The following SMAD1 variants were observed in gnomAD, a reference collection of about 807,000 sequenced individuals.
SMAD1 encodes SMAD family member 1.
A neutral mutation model predicts 41.6 loss-of-function variants in SMAD1; 6 were observed. That is an observed-to-expected ratio of 0.14 (90% CI 0.08 to 0.28). The LOEUF is 0.28. Ranked by LOEUF, SMAD1 falls within the 10% of genes least tolerant of loss-of-function variation. The pLI, the probability that SMAD1 is intolerant of heterozygous loss-of-function variation, is 1.00. For synonymous variants in SMAD1, 206 were observed against 203.2 expected (o/e 1.01, Z -0.12); for missense variants, 379 against 582.6 (o/e 0.65, Z 3.60).
intron 1 of SMAD1, among the ~76,000 whole-genome samples, chr4:145,504,311 T>A (rs1038520780): frequency 2.0e-5 from 3 of 152,214 alleles, no homozygotes; most frequent in African/African-American, 4.8e-5. Context: ...ACATTGCTAC[T>A]TTAGGGTATT....
intron 2 of SMAD1, among the ~76,000 whole-genome samples, chr4:145,532,384 C>T (rs768230041): frequency 6.6e-6 from 1 of 152,118 alleles, no homozygotes; most frequent in Non-Finnish European, 1.5e-5. Context: ...CACAATTAGA[C>T]ATTTTCAAAT....
At chr4:145,526,960 A>G (rs1278755487) in intron 2 of SMAD1, among the ~76,000 whole-genome samples, 1 of 152,146 alleles carries the variant, frequency 6.6e-6, no homozygotes, top group African/African-American at 2.4e-5. Flanking sequence ...GGTTGAGGAT[A>G]AAGTTAATGC....
chr4:145,494,294 G>A (rs1343696700), intron 1 of SMAD1, among the ~76,000 whole-genome samples: 2 of 152,136 alleles, frequency 1.3e-5, no homozygotes, highest in South Asian at 4.2e-4. Context: ...TTGAGTGTCT[G>A]TATTTCTATT....
chr4:145,525,209 G>A (rs879869282), intron 2 of SMAD1, among the ~76,000 whole-genome samples: 16 of 152,218 alleles, frequency 1.1e-4, no homozygotes, highest in Non-Finnish European at 2.1e-4. Flanking sequence ...ACAGACCAGA[G>A]ATTGCTTTCT....
chr4:145,515,252 A>T (rs532567499), intron 2 of SMAD1, among the ~76,000 whole-genome samples: 59 of 151,866 alleles, frequency 3.9e-4, no homozygotes, highest in African/African-American at 1.4e-3. Context: ...AGTTAACATT[A>T]TGTCTTGGGA....
chr4:145,483,559 T>G (rs1039981370), intron 1 of SMAD1, among the ~76,000 whole-genome samples: 12 of 152,256 alleles, frequency 7.9e-5, no homozygotes, highest in Non-Finnish European at 4.4e-5. Flanking sequence ...GCATCAGTGT[T>G]ATTCTGATGT....
At chr4:145,505,063 C>T (rs1355042712) in intron 1 of SMAD1, among the ~76,000 whole-genome samples, 2 of 152,076 alleles carry the variant, frequency 1.3e-5, no homozygotes, top group Non-Finnish European at 2.9e-5. Flanking sequence ...TCTTTATTAT[C>T]CTTTGAAATC....
chr4:145,549,440 A>AATAC (rs1394481795), intron 5 of SMAD1, among the ~76,000 whole-genome samples: 3 of 152,182 alleles, frequency 2.0e-5, no homozygotes, highest in Non-Finnish European at 4.4e-5. Flanking sequence ...CCTGTGTTAC[A>AATAC]ATACATACAT....
At chr4:145,511,197 G>A (rs2126390710) in intron 1 of SMAD1, among the ~76,000 whole-genome samples, 1 of 152,160 alleles carries the variant, frequency 6.6e-6, no homozygotes, top group South Asian at 2.1e-4. Flanking sequence ...CTTATACTTT[G>A]GGATTATATC....
At position 145,525,236 on chromosome 4, in the gene SMAD1, A is replaced by G. The variant is rs141426582; in HGVS notation, c.400+10223A>G. Among the ~76,000 whole-genome samples the G allele has an allele frequency of 2.8e-3, 431 of 152,336 alleles. 1 individual carries two copies. Among genetic ancestry groups the G allele is most frequent in the African/African-American group, 9.9e-3 (410 of 41,562 alleles). ...TTGCTTTCTCTCAAATATATGTTCT[A>G]TCCCCTTGCCATTTTCCCCTTAAAA... On this transcript the variant is annotated intron_variant, in intron 2 of 6. Coordinates refer to ENST00000302085, the MANE Select transcript of SMAD1 (RefSeq NM_005900.3).
Position 145,554,032 on chromosome 4 carries a change from T to C in SMAD1, c.1246T>C (p.Phe416Leu), listed in dbSNP as rs748617717. The change falls in exon 6 of 7, where the codon TTT becomes CTT. Residue 416 changes from phenylalanine to leucine, a missense_variant. Physicochemically the swap from Phe to Leu is conservative, Grantham distance 22. This residue lies in a region of SMAD1 where 107 missense variants were observed against 218.3 expected (regional missense o/e 0.49). Coordinates refer to ENST00000302085, the MANE Select transcript of SMAD1 (RefSeq NM_005900.3). ...AAAAATGTGTACTATACGTATGAGC[T>C]TTGTGAAGGTAAGTGAGCTCCGACT... ...LTKMCTIRMS[F>L]VKGWGAEYHR... The C allele has an allele frequency of 2.5e-6, 4 of 1,612,204 alleles. No individual in the cohort carries two copies. The highest frequency in any genetic ancestry group is 3.4e-6 in the Non-Finnish European group (4 of 1,178,484).
chr4:145,498,381 C>G (rs1165461018), intron 1 of SMAD1, among the ~76,000 whole-genome samples: 2 of 152,188 alleles, frequency 1.3e-5, no homozygotes, highest in African/African-American at 4.8e-5. Context: ...AAATCCTATG[C>G]AGATACACTT....
intron 1 of SMAD1, among the ~76,000 whole-genome samples, chr4:145,507,880 A>G (rs1186844098): frequency 1.3e-5 from 2 of 152,152 alleles, no homozygotes; most frequent in African/African-American, 4.8e-5. Flanking sequence ...TGAGTTCCTT[A>G]TATGAGGTAG....
At chr4:145,553,533 G>A (rs536701344) in intron 5 of SMAD1, among the ~76,000 whole-genome samples, 2 of 152,244 alleles carry the variant, frequency 1.3e-5, no homozygotes, top group South Asian at 4.2e-4. Context: ...CTAACAGGAG[G>A]TGGAGCTCAG....
intron 2 of SMAD1, among the ~76,000 whole-genome samples, chr4:145,527,420 T>G (rs1337377445): frequency 2.6e-5 from 4 of 152,050 alleles, no homozygotes; most frequent in Non-Finnish European, 5.9e-5. Flanking sequence ...AGACGGGGTT[T>G]CACCGTTTTA....
chr4:145,518,863 A>G lies in SMAD1; in HGVS notation c.400+3850A>G, dbSNP rs545279071. 3.2e-5 allele frequency among the ~76,000 whole-genome samples: 4 copies of G among 125,620 alleles called. 1 individual carries two copies. The highest frequency in any genetic ancestry group is 7.6e-5 in the African/African-American group (3 of 39,620). The allele number at this position is 125,620 out of a possible 152,430, so 82.4% of individuals were successfully genotyped here. On this transcript the variant is annotated intron_variant, in intron 2 of 6. Coordinates refer to ENST00000302085, the MANE Select transcript of SMAD1 (RefSeq NM_005900.3). ...GTAGTAGCATCAGTACCACCTTGGA[A>G]CTTGTTAGAAAAGCTAATTATTATT... is the stretch of plus-strand genomic sequence containing the variant.
intron 1 of SMAD1, among the ~76,000 whole-genome samples, chr4:145,495,305 G>A (rs1029391285): frequency 3.3e-5 from 5 of 152,126 alleles, no homozygotes; most frequent in Admixed American, 2.6e-4. Flanking sequence ...CACACAGTTT[G>A]TGTGCTTTAT....
At chr4:145,487,513 T>C (rs556645307) in intron 1 of SMAD1, among the ~76,000 whole-genome samples, 2 of 152,330 alleles carry the variant, frequency 1.3e-5, no homozygotes, top group African/African-American at 4.8e-5. Flanking sequence ...TGAAACCTCT[T>C]GACCCTTTAT....
At chr4:145,532,779 A>G (rs976086108) in intron 2 of SMAD1, among the ~76,000 whole-genome samples, 1 of 152,148 alleles carries the variant, frequency 6.6e-6, no homozygotes, top group African/African-American at 2.4e-5. Flanking sequence ...GAGACATAGA[A>G]CAAGTCAGAG....
Sources: gnomAD v4.1 joint callset for allele counts (sites outside exome capture counted in the v4.1 genomes callset) on GRCh38, gnomAD v4.1.1 for gene constraint, gnomAD v4.1.1 regional missense constraint, MANE v1.5 for transcripts, NCBI Gene and HGNC (gene_info 2026-07-23, HGNC 2026-07-21) for gene names.